Variants in CYP26C1 observed in about 807,000 individuals in gnomAD.
CYP26C1 encodes the protein cytochrome P450 family 26 subfamily C member 1.
A neutral mutation model predicts 39.1 loss-of-function variants in CYP26C1; 41 were observed. The ratio of observed to expected loss-of-function variants is 1.05; its 90% CI spans 0.82 to 1.36. The LOEUF (loss-of-function observed/expected upper bound fraction) is 1.36, where lower values mean the gene tolerates loss of function less well. CYP26C1 is among the 40% of genes most tolerant of loss of function. The probability of loss-of-function intolerance (pLI) is 0.00; values close to 1 mark genes in which losing one functional copy is unlikely to be tolerated. For missense variants in CYP26C1, 833 were observed against 752.0 expected (o/e 1.11, Z -1.26); for synonymous variants, 362 against 350.8 (o/e 1.03, Z -0.36).
At position 93,061,033 on chromosome 10, in the gene CYP26C1, C is replaced by T. The variant is rs1846738803; in HGVS notation, c.-231C>T. ...GAGCCAGGAAAAAGTCCTGAGCGTG[C>T]CGGCCTCGAGGAAGGCACGTTCCCT... is the stretch of plus-strand genomic sequence containing the variant. On this transcript the variant is annotated 5_prime_UTR_variant, in exon 1 of 6. Transcript: ENST00000651965. 1.1e-5 allele frequency: 6 copies of T among 528,230 alleles called. No individual in the cohort carries two copies. The Admixed American group carries it at 2.0e-4, about 17-fold the overall frequency. The allele number at this position is 528,230 out of a possible 1,614,324, so 32.7% of individuals were successfully genotyped here.
intron 1 of CYP26C1, 129 bp from the exon 2 acceptor site, chr10:93,061,881 G>C (rs1330574503): frequency 2.3e-6 from 2 of 874,460 alleles, no homozygotes; most frequent in African/African-American, 3.4e-5. Context: ...CAGGCCCACT[G>C]GGGATCTTGT....
intron 1 of CYP26C1, 90 bp from the exon 2 acceptor site, chr10:93,061,920 A>G: frequency 7.6e-7 from 1 of 1,313,912 alleles, no homozygotes; most frequent in Non-Finnish European, 1.0e-6. Flanking sequence ...AGGGACAGGA[A>G]GTTGTGATCA....
chr10:93,067,319 C>G (rs1258306505), intron 5 of CYP26C1, among the ~76,000 whole-genome samples: 1 of 152,220 alleles, frequency 6.6e-6, no homozygotes, highest in Non-Finnish European at 1.5e-5. Flanking sequence ...GGAGTTTGAA[C>G]TGGAGCAGTG....
At position 93,062,769 on chromosome 10, in the gene CYP26C1, G is replaced by A; in HGVS notation, c.479G>A (p.Arg160His). 1.3e-6 allele frequency: 2 copies of A among 1,511,938 alleles called. No individual in the cohort carries two copies. The highest frequency in any genetic ancestry group is 5.1e-5 in the East Asian group (2 of 38,900). 93.7% of individuals were successfully genotyped at this position (1,511,938 alleles called of 1,614,324 possible). A position where few individuals can be genotyped will look rare whatever the true frequency, so the allele number is the denominator to read the frequency against. ...GCCGCGCTGGAGCGCTACGTGCCGCGCCTGCAGGGGGCGCTGCGGCATGAG... is the reference window on the plus strand; with the variant it reads ...GCCGCGCTGGAGCGCTACGTGCCGCACCTGCAGGGGGCGCTGCGGCATGAG... The part of the protein sequence containing the change: ...SRAALERYVP[R>H]LQGALRHEVR... The change falls in exon 3 of 6, where the codon CGC becomes CAC. Residue 160 changes from arginine to histidine, a missense_variant. By Grantham distance (29) the Arg-to-His change is conservative (BLOSUM62 0). Transcript: ENST00000651965.
intron 1 of CYP26C1, 124 bp downstream of exon 1, chr10:93,061,591 G>C (rs970679454): frequency 3.2e-6 from 4 of 1,251,986 alleles, no homozygotes; most frequent in Non-Finnish European, 4.5e-6. Flanking sequence ...CCACGACCCC[G>C]GGAAGCGCGC....
At chr10:93,062,614 G>A (rs1846765641) in intron 2 of CYP26C1, 106 bp from the exon 3 acceptor site, 3 of 1,065,988 alleles carry the variant, frequency 2.8e-6, no homozygotes, top group South Asian at 1.9e-5. Flanking sequence ...GGTCTGGGCC[G>A]CTTGGAAGAG....
intron 5 of CYP26C1, 96 bp from the exon 6 acceptor site, chr10:93,068,224 G>A (rs1846851440): frequency 3.6e-6 from 5 of 1,386,900 alleles, no homozygotes; most frequent in African/African-American, 3.0e-5. Context: ...CCTGGTTTTC[G>A]GAAGCCTGAT....
chr10:93,066,734 C>T (rs1846835230), intron 5 of CYP26C1, among the ~76,000 whole-genome samples: 1 of 152,202 alleles, frequency 6.6e-6, no homozygotes, highest in African/African-American at 2.4e-5. Flanking sequence ...GCGACCGGTC[C>T]AGGGTTCTGG....
In CYP26C1 at chr10:93,066,150, C is replaced by T; in HGVS notation, c.1056C>T (p.Cys352=). 1 of 1,379,818 alleles carries T rather than the reference C, an allele frequency of 7.2e-7. No homozygotes were observed. The highest frequency in any genetic ancestry group is 9.4e-7 in the Non-Finnish European group (1 of 1,066,636). 85.5% of individuals were successfully genotyped at this position (1,379,818 alleles called of 1,614,324 possible). ...GCAGCGAGGGGCCCCCGCCCGACTG[C>T]GGCTGCGAGCCCGACCTCAGCCTCG... ...AGGSEGPPPD[C]GCEPDLSLAA... The change falls in exon 5 of 6, where the codon TGC becomes TGT. Residue 352 remains cysteine, a synonymous_variant. Transcript: ENST00000651965.
In CYP26C1 at chr10:93,062,715, C is replaced by A; in HGVS notation, c.430-5C>A. 7.1e-7 allele frequency: 1 copy of A among 1,407,494 alleles called. No individual in the cohort carries two copies. Among genetic ancestry groups the A allele is most frequent in the Non-Finnish European group, 9.2e-7 (1 of 1,091,824 alleles). 87.2% of individuals were successfully genotyped at this position (1,407,494 alleles called of 1,614,324 possible). ...CGCCAGCGCTGATCACGCGCGCTCCCACAGGTCCTGGCGCGCGTGTTCAGC... is the reference window on the plus strand; with the variant it reads ...CGCCAGCGCTGATCACGCGCGCTCCAACAGGTCCTGGCGCGCGTGTTCAGC... On this transcript the variant is annotated splice_polypyrimidine_tract_variant and splice_region_variant and intron_variant, in intron 2 of 5. Coordinates refer to ENST00000651965, the MANE Select transcript of CYP26C1 (RefSeq NM_183374.3).
intron 3 of CYP26C1, 187 bp downstream of exon 3, chr10:93,063,182 GC>G (rs1846775079): frequency 7.4e-7 from 1 of 1,354,340 alleles, no homozygotes; most frequent in African/African-American, 1.5e-5. Context: ...TGGCCTCTGT[GC>G]TGGTTCGCTG....
chr10:93,064,292 G>A, intron 3 of CYP26C1, 89 bp from the exon 4 acceptor site: 7 of 1,488,526 alleles, frequency 4.7e-6, no homozygotes, highest in Non-Finnish European at 5.4e-6. Flanking sequence ...TGTTGGCAGA[G>A]CCAGTGCTGA....
intron 3 of CYP26C1, chr10:93,064,022 G>C: frequency 9.4e-7 from 1 of 1,060,816 alleles, no homozygotes; most frequent in Non-Finnish European, 1.1e-6. Flanking sequence ...CAGGGAAAGG[G>C]CAATGGGCTG....
chr10:93,066,488 T>C (rs1846831173), intron 5 of CYP26C1, among the ~76,000 whole-genome samples: 1 of 152,196 alleles, frequency 6.6e-6, no homozygotes, highest in Non-Finnish European at 1.5e-5. Context: ...GATCCCCCGC[T>C]GAGGGACGCA....
intron 4 of CYP26C1, 142 bp from the exon 5 acceptor site, chr10:93,065,814 C>A: frequency 2.8e-6 from 2 of 708,942 alleles, no homozygotes; most frequent in Non-Finnish European, 4.1e-6. Flanking sequence ...TACACACAGT[C>A]GCGGCGGTAA....
Position 93,066,304 on chromosome 10 carries a change from C to G in CYP26C1, c.1191+19C>G, listed in dbSNP as rs750158041. ...GCTCGACGTAAGTGCGCCGTGCCAG[C>G]CCATGGCCAGCCTCCTGCCTCCTGC... is the stretch of plus-strand genomic sequence containing the variant. On this transcript the variant is annotated intron_variant, in intron 5 of 5. Coordinates refer to ENST00000651965, the MANE Select transcript of CYP26C1 (RefSeq NM_183374.3). The G allele has an allele frequency of 1.6e-5, 21 of 1,328,934 alleles. No homozygotes were observed. Among genetic ancestry groups the G allele is most frequent in the Non-Finnish European group, 2.0e-5 (21 of 1,039,190 alleles). The allele number at this position is 1,328,934 out of a possible 1,614,324, so 82.3% of individuals were successfully genotyped here. A position where few individuals can be genotyped will look rare whatever the true frequency, so the allele number is the denominator to read the frequency against.
intron 4 of CYP26C1, among the ~76,000 whole-genome samples, 188 bp from the exon 5 acceptor site, chr10:93,065,768 A>G (rs1188417598): frequency 6.6e-6 from 1 of 152,148 alleles, no homozygotes; most frequent in Non-Finnish European, 1.5e-5. Context: ...GACTTTCCCA[A>G]ATGGTGGACT....
intron 5 of CYP26C1, 31 bp downstream of exon 5, chr10:93,066,316 CT>C: frequency 7.9e-7 from 1 of 1,262,830 alleles, no homozygotes; most frequent in African/African-American, 1.6e-5. Flanking sequence ...CATGGCCAGC[CT>C]CCTGCCTCCT....
Position 93,068,646 on chromosome 10 carries a change from CT to C in CYP26C1, c.1523del (p.Phe508SerfsTer21). On this transcript the variant is annotated frameshift_variant, in exon 6 of 6. Transcript: ENST00000651965. LOFTEE classifies it low-confidence loss of function (END_TRUNC). ...IVHPVDGLRL[F>X]FHPLTPSVAG... Reference sequence around the variant, plus strand: ...TGCACCCAGTGGACGGGCTGCGGCTCTTTTTCCACCCCCTCACGCCTTCGGT... The same window carrying C: ...TGCACCCAGTGGACGGGCTGCGGCTCTTTTCCACCCCCTCACGCCTTCGGT... The C allele has an allele frequency of 2.5e-6, 4 of 1,593,792 alleles. No homozygotes were observed. Among genetic ancestry groups the C allele is most frequent in the African/African-American group, 1.3e-5 (1 of 74,626 alleles).
Sources: gnomAD v4.1 joint callset for allele counts (sites outside exome capture counted in the v4.1 genomes callset) on GRCh38, gnomAD v4.1.1 for gene constraint, MANE v1.5 for transcripts, NCBI Gene and HGNC (gene_info 2026-07-23, HGNC 2026-07-21) for gene names.